The following SENP1 variants were observed in gnomAD, a reference collection of about 807,000 sequenced individuals.
SENP1 encodes SUMO specific peptidase 1, also known as sentrin-specific protease 1.
SENP1 carries 21 observed loss-of-function variants against 93.0 expected under a neutral mutation model. The ratio of observed to expected loss-of-function variants is 0.23; its 90% CI spans 0.16 to 0.33. SENP1 has a LOEUF of 0.33. Among genes scored for constraint, SENP1 ranks in the 10% least tolerant of loss-of-function variants. The probability of loss-of-function intolerance (pLI) is 1.00; values close to 1 mark genes in which losing one functional copy is unlikely to be tolerated. For missense variants in SENP1, 591 were observed against 758.7 expected, an observed-to-expected ratio of 0.78 and a Z score of 2.60; for synonymous variants, 256 against 259.6, an observed-to-expected ratio of 0.99 and a Z score of 0.13.
Position 48,074,311 on chromosome 12 carries a change from A to G in SENP1, c.940+13T>C. The G allele has an allele frequency of 6.2e-7, 1 of 1,601,140 alleles. No individual in the cohort carries two copies. Among genetic ancestry groups the G allele is most frequent in the Non-Finnish European group, 8.5e-7 (1 of 1,171,240 alleles). ...TTAGGACTAAAAATGTAGTTATATG[A>G]TACCATGTTTACCTTCAGATTGTGT... On this transcript the variant is annotated intron_variant, in intron 8 of 17. Coordinates refer to ENST00000549518, the MANE Select transcript of SENP1 (RefSeq NM_001267594.2).
In SENP1 at chr12:48,045,272, A is replaced by T; in HGVS notation, c.*50T>A. 1 of 1,511,788 alleles carries T rather than the reference A, an allele frequency of 6.6e-7. No individual in the cohort carries two copies. Among genetic ancestry groups the T allele is most frequent in the East Asian group, 2.3e-5 (1 of 44,240 alleles). The allele number at this position is 1,511,788 out of a possible 1,614,324, so 93.6% of individuals were successfully genotyped here. ...TTTCCAAGGTCTCTGGCTGTAGACA[A>T]CAAAGAGCTGGTCCCCCACATGGTC... On this transcript the variant is annotated 3_prime_UTR_variant, in exon 18 of 18. Coordinates refer to ENST00000549518, the MANE Select transcript of SENP1 (RefSeq NM_001267594.2).
rs1291568642 is a variant in SENP1, at chr12:48,105,901, CG to C, written c.-45+126del. 1.6e-5 allele frequency: 10 copies of C among 624,910 alleles called. No individual in the cohort carries two copies. The East Asian group carries it at 2.8e-4, about 17-fold the overall frequency. The allele number at this position is 624,910 out of a possible 1,614,324, so 38.7% of individuals were successfully genotyped here. On this transcript the variant is annotated intron_variant, in intron 1 of 17. Coordinates refer to ENST00000549518, the MANE Select transcript of SENP1 (RefSeq NM_001267594.2). ...CCAGGGGGCGGGGCAGAGGAAAAGG[CG>C]CCGGCCCCACAGTGCTCCCCGCTTC...
chr12:48,090,404 G>C (rs1945141044), intron 4 of SENP1, among the ~76,000 whole-genome samples: 3 of 152,212 alleles, frequency 2.0e-5, no homozygotes, highest in African/African-American at 7.2e-5. Context: ...CCAAGGATAA[G>C]TCAGAGTAGC....
intron 13 of SENP1, among the ~76,000 whole-genome samples, chr12:48,056,461 C>T (rs180778740): frequency 0.055 from 5,304 of 96,690 alleles, 328 homozygotes; most frequent in East Asian, 0.26. Context: ...TTACATATTA[C>T]ATATATAAAT....
chr12:48,057,306 T>A (rs1348296328), intron 13 of SENP1, among the ~76,000 whole-genome samples: 1 of 147,612 alleles, frequency 6.8e-6, no homozygotes, highest in Non-Finnish European at 1.5e-5. Flanking sequence ...CTTGGCTCAC[T>A]GCAACCTCCA....
chr12:48,082,422 G>A (rs1944553688), intron 6 of SENP1, among the ~76,000 whole-genome samples: 1 of 152,268 alleles, frequency 6.6e-6, no homozygotes. Context: ...TGGGTTCTAG[G>A]CCTGCCATTT....
chr12:48,066,545 T>C (rs1943315227), intron 10 of SENP1, among the ~76,000 whole-genome samples: 1 of 151,308 alleles, frequency 6.6e-6, no homozygotes, highest in Non-Finnish European at 1.5e-5. Context: ...GGAGTCTTAC[T>C]CTGTTGCCCA....
rs906186834 is a variant in SENP1, at chr12:48,074,545, G to C, written c.719C>G (p.Ser240Cys). 1.9e-6 allele frequency: 3 copies of C among 1,613,634 alleles called. No homozygotes were observed. Among genetic ancestry groups the C allele is most frequent in the Non-Finnish European group, 2.5e-6 (3 of 1,179,722 alleles). The change falls in exon 8 of 18, where the codon TCT (serine) becomes TGT (cysteine). Residue 240 changes from serine to cysteine, a missense_variant. Ser to Cys is a moderately radical substitution (Grantham distance 112). Around this residue, in one of 4 missense-constraint regions of SENP1, gnomAD observed 238 missense variants for 259.1 expected, o/e 0.92. Transcript: ENST00000549518. ...AGAGCCAATGATCTGAGATGCACAA[G>C]AGTTTCCATTTTTAAACAGTGAGTC... ...LKDSLFKNGN[S>C]CASQIIGSDT...
At chr12:48,070,814 G>A (rs530756073) in intron 9 of SENP1, among the ~76,000 whole-genome samples, 2 of 152,302 alleles carry the variant, frequency 1.3e-5, no homozygotes, top group South Asian at 2.1e-4. Flanking sequence ...ACAGCAGGCC[G>A]GGTGCAGTGG....
chr12:48,051,260 C>G (rs1011063039), intron 13 of SENP1, among the ~76,000 whole-genome samples: 22 of 152,246 alleles, frequency 1.4e-4, no homozygotes, highest in Middle Eastern at 3.4e-3. Context: ...CACAGCTGAA[C>G]AAGAACAGAG....
intron 5 of SENP1, among the ~76,000 whole-genome samples, chr12:48,088,279 T>C (rs1419137802): frequency 6.6e-6 from 1 of 152,200 alleles, no homozygotes; most frequent in Admixed American, 6.5e-5. Context: ...AGTCTGGAAC[T>C]CCTGACCTCA....
chr12:48,083,125 G>A (rs769167484), intron 6 of SENP1, among the ~76,000 whole-genome samples: 3 of 152,074 alleles, frequency 2.0e-5, no homozygotes, highest in Non-Finnish European at 4.4e-5. Context: ...GGCTCGTCTC[G>A]AACTCCTGGG....
chr12:48,046,537 G>T (rs1196841391), intron 16 of SENP1, 86 bp from the exon 17 acceptor site: 1 of 974,708 alleles, frequency 1.0e-6, no homozygotes. Context: ...GATATAAATT[G>T]TACAGGTTTC....
chr12:48,052,407 T>C (rs1277381265), intron 13 of SENP1, among the ~76,000 whole-genome samples: 2 of 152,218 alleles, frequency 1.3e-5, no homozygotes, highest in Non-Finnish European at 2.9e-5. Flanking sequence ...ATGACAATAC[T>C]TCTGAGCAGA....
rs1339971561 is a variant in SENP1 at position 48,074,564 on chromosome 12, G to C, written c.700C>G (p.Leu234Val). The C allele has an allele frequency of 8.1e-6, 13 of 1,613,430 alleles. No homozygotes were observed. In the South Asian group the frequency reaches 1.3e-4, roughly 16 times the overall value. ...SSSKNTLKDSLFKNGNSCASQ... is the reference protein window; with the variant it reads ...SSSKNTLKDSVFKNGNSCASQ... ...GCACAAGAGTTTCCATTTTTAAACA[G>C]TGAGTCTTTCAAAGTATTTTTACTG... The change falls in exon 8 of 18, where the codon CTG becomes GTG. Residue 234 changes from leucine (L) to valine (V), a missense_variant. Leu to Val is a conservative substitution (Grantham distance 32). Coordinates refer to ENST00000549518, the MANE Select transcript of SENP1 (RefSeq NM_001267594.2).
At chr12:48,090,286 A>G (rs1028822123) in intron 4 of SENP1, among the ~76,000 whole-genome samples, 4 of 152,200 alleles carry the variant, frequency 2.6e-5, no homozygotes, top group African/African-American at 7.2e-5. Context: ...TTTGTCTCTC[A>G]CACATTTTGG....
At chr12:48,072,937 T>C (rs554789504) in intron 8 of SENP1, among the ~76,000 whole-genome samples, 73 of 151,172 alleles carry the variant, frequency 4.8e-4, no homozygotes, top group African/African-American at 1.8e-3. Flanking sequence ...TAGTTCATGA[T>C]CTACAATGCG....
intron 4 of SENP1, among the ~76,000 whole-genome samples, chr12:48,095,232 C>T (rs762489442): frequency 1.3e-5 from 2 of 151,924 alleles, no homozygotes; most frequent in Non-Finnish European, 2.9e-5. Context: ...ATTTATCATC[C>T]CAATTTATCC....
chr12:48,055,105 G>GT (rs1942127976), intron 13 of SENP1: 1 of 230,068 alleles, frequency 4.3e-6, no homozygotes, highest in East Asian at 1.0e-4. Flanking sequence ...TCTTTTAGCC[G>GT]TGGCAGTCCA....
Sources: allele counts gnomAD v4.1 joint callset (sites outside exome capture counted in the v4.1 genomes callset), GRCh38; gene constraint gnomAD v4.1.1; regional missense constraint gnomAD v4.1.1; transcripts MANE v1.5; gene names NCBI Gene and HGNC (gene_info 2026-07-23, HGNC 2026-07-21).